Variants in TTN observed in about 807,000 individuals in gnomAD.
The protein encoded by TTN is connectin.
Under a neutral mutation model 3,223.0 loss-of-function variants are expected in TTN, and 1,525 were observed. The observed-to-expected ratio is 0.47, with a 90% CI of 0.45 to 0.49. The LOEUF is 0.49. Among genes scored for constraint, TTN ranks in the 20% least tolerant of loss-of-function variants. TTN has a pLI of 0.00. For missense variants in TTN, 40,786 were observed against 43,424.0 expected (o/e 0.94, Z 5.40); for synonymous variants, 14,094 against 15,161.0 (o/e 0.93, Z 5.17).
At position 178,537,062 on chromosome 2, in the gene TTN, T is replaced by G. The variant is rs727504698; in HGVS notation, c.100047A>C (p.Thr33349=). The G allele has an allele frequency of 3.7e-5, 59 of 1,613,082 alleles. No homozygotes were observed. The East Asian group carries it at 1.2e-3, about 34-fold the overall frequency. The change falls in exon 356 of 363, where the codon ACA becomes ACC. Residue 33349 remains threonine (T), a synonymous_variant. Coordinates refer to ENST00000589042, the MANE Select transcript of TTN (RefSeq NM_001267550.2). ...WQLVSSAISV[T]TCRIVNLTEN... is the part of the protein sequence containing the mutation. ...CTGTGAGGTTCACAATTCTACAGGT[T>G]GTCACTGAGATGGCTGAAGACACCA... is the stretch of plus-strand genomic sequence containing the variant.
rs1013104729 is a variant in TTN, at chr2:178,732,732, A to G, written c.16343-14T>C. 3 of 1,567,362 alleles carry G rather than the reference A, an allele frequency of 1.9e-6. No homozygotes were observed. Among genetic ancestry groups the G allele is most frequent in the Non-Finnish European group, 2.6e-6 (3 of 1,158,660 alleles). On this transcript the variant is annotated splice_polypyrimidine_tract_variant and intron_variant, in intron 55 of 362. Transcript: ENST00000589042. ...AACTGGGTGGTTCTGAAGAAGGGGTATAAGAAAGAATTTCAAAGAGTTAAG... is the reference window on the plus strand; with the variant it reads ...AACTGGGTGGTTCTGAAGAAGGGGTGTAAGAAAGAATTTCAAAGAGTTAAG...
Position 178,605,067 on chromosome 2 carries a change from C to T in TTN, c.54110G>A (p.Arg18037Gln), listed in dbSNP as rs541688627. The T allele has an allele frequency of 1.8e-5, 29 of 1,612,494 alleles. 1 individual carries two copies. In the Admixed American group the frequency reaches 2.2e-4, roughly 12 times the overall value. Residue 18037 changes from arginine to glutamine, a missense_variant, in exon 280 of 363, where the codon CGG becomes CAG. By Grantham distance (43) the Arg-to-Gln change is conservative. Transcript: ENST00000589042. ...KTELSIPKAV[R>Q]EDKGTYTVTA... Reference sequence around the variant, plus strand: ...AACTGTGTAAGTGCCTTTGTCCTCCCGGACCGCTTTGGGAATGCTAAGCTC... The same window carrying T: ...AACTGTGTAAGTGCCTTTGTCCTCCTGGACCGCTTTGGGAATGCTAAGCTC...
At position 178,756,299 on chromosome 2, in the gene TTN, T is replaced by G; in HGVS notation, c.11177A>C (p.Asp3726Ala). The G allele has an allele frequency of 6.2e-7, 1 of 1,613,842 alleles. No homozygotes were observed. The highest frequency in any genetic ancestry group is 8.5e-7 in the Non-Finnish European group (1 of 1,179,728). The change falls in exon 46 of 363, where the codon GAC (aspartate) becomes GCC (alanine). Residue 3726 changes from aspartate to alanine, a missense_variant. By Grantham distance (126) the Asp-to-Ala change is moderately radical. Transcript: ENST00000589042. Reference sequence around the variant, plus strand: ...TACAATGCAGCTGTATAGTCCTTGGTCTACCAGCTGAACATTACATATGGT... The same window carrying G: ...TACAATGCAGCTGTATAGTCCTTGGGCTACCAGCTGAACATTACATATGGT... ...FLTICNVQLV[D>A]QGLYSCIVHN...
chr2:178,768,525 A>G, intron 38 of TTN, 148 bp downstream of exon 38: 1 of 1,192,996 alleles, frequency 8.4e-7, no homozygotes, highest in Non-Finnish European at 1.2e-6. Context: ...ATGTTGTAGC[A>G]TATCGTAGTG....
At chr2:178,578,736 C>A in intron 320 of TTN, 21 bp from the exon 321 acceptor site, 1 of 1,605,008 alleles carries the variant, frequency 6.2e-7, no homozygotes, top group Non-Finnish European at 8.5e-7. Flanking sequence ...GTAGATAATG[C>A]AAGATTTATA....
chr2:178,566,836 T>G lies in TTN; in HGVS notation c.79296A>C (p.Arg26432=). 6.2e-7 allele frequency: 1 copy of G among 1,613,456 alleles called. No individual in the cohort carries two copies. The highest frequency in any genetic ancestry group is 8.5e-7 in the Non-Finnish European group (1 of 1,179,668). Residue 26432 remains arginine, a synonymous_variant, in exon 326 of 363, where the codon CGA becomes CGC. Coordinates refer to ENST00000589042, the MANE Select transcript of TTN (RefSeq NM_001267550.2). The part of the protein sequence containing the change: ...IVEKRDRSGI[R]WIKCNKRRIT... Reference sequence around the variant, plus strand: ...TGCGGCGTTTATTACATTTTATCCATCGAATGCCACTTCTGTCTCTTTTCT... The same window carrying G: ...TGCGGCGTTTATTACATTTTATCCAGCGAATGCCACTTCTGTCTCTTTTCT...
chr2:178,675,445 T>C (rs1298065971), intron 149 of TTN, among the ~76,000 whole-genome samples: 1 of 151,654 alleles, frequency 6.6e-6, no homozygotes, highest in Non-Finnish European at 1.5e-5. Flanking sequence ...TCTTTAAAGA[T>C]ATATTTTTAT....
Position 178,694,679 on chromosome 2 carries a change from T to C in TTN, c.31349-3A>G. On this transcript the variant is annotated splice_region_variant and splice_polypyrimidine_tract_variant and intron_variant, in intron 116 of 362. Transcript: ENST00000589042. ...AATCTTCTTTGAAACTTCAGGTACT[T>C]TAAAAATATGTACAAATATATTTGT... 1 of 1,545,656 alleles carries C rather than the reference T, an allele frequency of 6.5e-7. No individual in the cohort carries two copies. The highest frequency in any genetic ancestry group is 8.7e-7 in the Non-Finnish European group (1 of 1,144,492).
intron 47 of TTN, among the ~76,000 whole-genome samples, chr2:178,744,055 A>G (rs1420218720): frequency 3.9e-5 from 6 of 151,982 alleles, no homozygotes; most frequent in African/African-American, 7.2e-5. Context: ...GAGAATAAAG[A>G]CTGATAGATG....
At chr2:178,675,877 A>G (rs1478979940) in intron 148 of TTN, 44 bp downstream of exon 148, 1 of 1,577,208 alleles carries the variant, frequency 6.3e-7, no homozygotes, top group Non-Finnish European at 8.6e-7. Flanking sequence ...TTATAGGAGA[A>G]GGAAGGAAAT....
At position 178,774,327 on chromosome 2, in the gene TTN, T is replaced by C. The variant is rs1399835400; in HGVS notation, c.6937A>G (p.Thr2313Ala). The C allele has an allele frequency of 6.2e-7, 1 of 1,614,140 alleles. No individual in the cohort carries two copies. The change falls in exon 30 of 363, where the codon ACA becomes GCA. Residue 2313 changes from threonine to alanine, a missense_variant. Coordinates refer to ENST00000589042, the MANE Select transcript of TTN (RefSeq NM_001267550.2). ...TGACGTCCACGACGAGATGTAATTGTATATTTGCCATTGGATTTAAGCTCC... is the reference window on the plus strand; with the variant it reads ...TGACGTCCACGACGAGATGTAATTGCATATTTGCCATTGGATTTAAGCTCC... ...DVELKSNGKY[T>A]ITSRRGRQNL...
intron 310 of TTN, 42 bp downstream of exon 310, chr2:178,584,627 C>T: frequency 3.7e-6 from 6 of 1,610,362 alleles, no homozygotes; most frequent in Non-Finnish European, 5.1e-6. Flanking sequence ...AAGTAACAAA[C>T]TAGAAAGAAA....
At chr2:178,587,865 T>C in intron 305 of TTN, 34 bp downstream of exon 305, 2 of 1,569,052 alleles carry the variant, frequency 1.3e-6, no homozygotes, top group Non-Finnish European at 1.7e-6. Flanking sequence ...AGAAATTAAG[T>C]GTGAATGAAT....
intron 209 of TTN, 57 bp downstream of exon 209, chr2:178,650,694 C>T (rs570716963): frequency 1.4e-6 from 2 of 1,449,910 alleles, no homozygotes; most frequent in African/African-American, 2.9e-5. Context: ...AAGAACAAAG[C>T]TTAAATTAGA....
rs763434134 is a variant in TTN at position 178,535,200 on chromosome 2, A to C, written c.101415T>G (p.Thr33805=). ...CCTTGGTTGAAGAGTGAGATGCTTT[A>C]GTCATGGAGACTTCCCTGGTTTCAT... ...EVDETREVSM[T]KASHSSTKEL... is the part of the protein sequence containing the mutation. Residue 33805 remains threonine (T), a synonymous_variant, in exon 358 of 363, where the codon ACT becomes ACG. Coordinates refer to ENST00000589042, the MANE Select transcript of TTN (RefSeq NM_001267550.2). 38 of 1,613,956 alleles carry C rather than the reference A, an allele frequency of 2.4e-5. No individual in the cohort carries two copies. The highest frequency in any genetic ancestry group is 3.2e-5 in the Non-Finnish European group (38 of 1,179,852).
intron 50 of TTN, 66 bp from the exon 51 acceptor site, chr2:178,735,054 G>C: frequency 6.9e-6 from 10 of 1,452,622 alleles, no homozygotes; most frequent in Non-Finnish European, 9.1e-6. Flanking sequence ...CAAAAGAAAA[G>C]TAGACATATA....
rs761530189 is a variant in TTN at position 178,537,677 on chromosome 2, T to C, written c.99530A>G (p.Asn33177Ser). 12 of 1,613,696 alleles carry C rather than the reference T, an allele frequency of 7.4e-6. No individual in the cohort carries two copies. The highest frequency in any genetic ancestry group is 9.3e-6 in the Non-Finnish European group (11 of 1,179,786). Residue 33177 changes from asparagine to serine, a missense_variant, in exon 355 of 363, where the codon AAT (asparagine) becomes AGT (serine). Transcript: ENST00000589042. ...ACTGGTTTCTACTTCTCCAACCTCA[T>C]TGGTGGCTATGCAGGTATAAACACC... ...DEGVYTCIAT[N>S]EVGEVETSSK... is the part of the protein sequence containing the mutation.
chr2:178,550,101 A>C lies in TTN; in HGVS notation c.91737T>G (p.Leu30579=). ...KRMNMEITDV[L]GSTSLFVRDA... ...CTCTAACAAATAGGCTGGTGGATCCAAGTACGTCGGTTATTTCCATATTCA... is the reference window on the plus strand; with the variant it reads ...CTCTAACAAATAGGCTGGTGGATCCCAGTACGTCGGTTATTTCCATATTCA... The change falls in exon 337 of 363, where the codon CTT becomes CTG. Residue 30579 remains leucine, a synonymous_variant. Coordinates refer to ENST00000589042, the MANE Select transcript of TTN (RefSeq NM_001267550.2). 5 of 1,613,846 alleles carry C rather than the reference A, an allele frequency of 3.1e-6. No homozygotes were observed. The highest frequency in any genetic ancestry group is 4.2e-6 in the Non-Finnish European group (5 of 1,179,790).
chr2:178,559,197 G>A, intron 326 of TTN, 114 bp downstream of exon 326: 1 of 954,014 alleles, frequency 1.0e-6, no homozygotes, highest in Non-Finnish European at 1.5e-6. Flanking sequence ...TTTGGGGTGT[G>A]AAGGGTGTGA....
Sources: gnomAD v4.1 joint callset for allele counts (sites outside exome capture counted in the v4.1 genomes callset) on GRCh38, gnomAD v4.1.1 for gene constraint, MANE v1.5 for transcripts, NCBI Gene and HGNC (gene_info 2026-07-23, HGNC 2026-07-21) for gene names.